LYPLAL1: variants seen among roughly 807,000 people sequenced by gnomAD.
The protein encoded by LYPLAL1 is lysophospholipase-like protein 1.
A neutral mutation model predicts 19.7 loss-of-function variants in LYPLAL1; 23 were observed. The observed-to-expected ratio is 1.17, with a 90% confidence interval of 0.84 to 1.65. LYPLAL1 has a LOEUF of 1.65. Among genes scored for constraint, LYPLAL1 ranks in the 40% most tolerant of loss-of-function variants. The pLI is 0.00. For missense variants in LYPLAL1, 355 were observed against 279.4 expected (o/e 1.27, Z -1.93); for synonymous variants, 119 against 96.3 (o/e 1.24, Z -1.38).
the LYPLAL1 span, among the ~76,000 whole-genome samples, chr1:219,363,718 A>G: frequency 1.3e-5 from 2 of 152,278 alleles, no homozygotes; most frequent in South Asian, 4.1e-4. Context: ...TCTCATTCAC[A>G]TAATTCTAGC....
At chr1:219,206,538 G>T (rs1658582744) in intron 3 of LYPLAL1, among the ~76,000 whole-genome samples, 1 of 151,964 alleles carries the variant, frequency 6.6e-6, no homozygotes, top group African/African-American at 2.4e-5. Flanking sequence ...AGGAGTTGCA[G>T]ATTACCTCAC....
chr1:219,356,035 A>G, the LYPLAL1 span, among the ~76,000 whole-genome samples: 1 of 152,158 alleles, frequency 6.6e-6, no homozygotes, highest in Non-Finnish European at 1.5e-5. Flanking sequence ...GTTTTTGTTT[A>G]TGTGCATTGT....
the LYPLAL1 span, among the ~76,000 whole-genome samples, chr1:219,284,957 G>T: frequency 6.6e-6 from 1 of 152,086 alleles, no homozygotes; most frequent in East Asian, 1.9e-4. Flanking sequence ...TCAACCAAGA[G>T]AAAAAAATGG....
At chr1:219,227,363 T>C in the LYPLAL1 span, among the ~76,000 whole-genome samples, 17 of 152,320 alleles carry the variant, frequency 1.1e-4, no homozygotes, top group African/African-American at 4.1e-4. Flanking sequence ...TGGTGTCTGT[T>C]TCGATATTGT....
chr1:219,442,029 A>G, the LYPLAL1 span, among the ~76,000 whole-genome samples: 2 of 152,220 alleles, frequency 1.3e-5, no homozygotes, highest in Admixed American at 1.3e-4. Context: ...CTGGGCAAGT[A>G]GGAACCTCCC....
At chr1:219,265,184 C>G in the LYPLAL1 span, among the ~76,000 whole-genome samples, 1 of 152,150 alleles carries the variant, frequency 6.6e-6, no homozygotes, top group Non-Finnish European at 1.5e-5. Context: ...ATATAGCACT[C>G]TCTATAATTT....
chr1:219,337,029 T>C, the LYPLAL1 span, among the ~76,000 whole-genome samples: 1 of 151,948 alleles, frequency 6.6e-6, no homozygotes. Flanking sequence ...TTTTAGAGGG[T>C]GCTAGCATTC....
At chr1:219,191,619 A>C (rs1445863685) in intron 2 of LYPLAL1, among the ~76,000 whole-genome samples, 3 of 151,608 alleles carry the variant, frequency 2.0e-5, no homozygotes, top group Admixed American at 6.6e-5. Flanking sequence ...GATCATTTAC[A>C]CAGTTTACCG....
chr1:219,210,507 C>CTTTTTA (rs779566938), intron 3 of LYPLAL1, 25 bp from the exon 4 acceptor site: 1 of 1,274,982 alleles, frequency 7.8e-7, no homozygotes, highest in South Asian at 1.4e-5. Flanking sequence ...ATGTATTCTA[C>CTTTTTA]TTTTAAGTAT....
At chr1:219,312,799 G>A in the LYPLAL1 span, among the ~76,000 whole-genome samples, 1 of 152,182 alleles carries the variant, frequency 6.6e-6, no homozygotes, top group Non-Finnish European at 1.5e-5. Context: ...CGTTAGAGAA[G>A]GTAGCAGTTC....
chr1:219,330,448 G>T, the LYPLAL1 span, among the ~76,000 whole-genome samples: 3 of 152,118 alleles, frequency 2.0e-5, no homozygotes, highest in Non-Finnish European at 4.4e-5. Flanking sequence ...GATGCTAATT[G>T]CTTCTAGAGC....
chr1:219,364,450 C>T, the LYPLAL1 span, among the ~76,000 whole-genome samples: 12 of 152,222 alleles, frequency 7.9e-5, no homozygotes, highest in African/African-American at 2.9e-4. Context: ...CTTTGTATCA[C>T]TCCAGAATAT....
the LYPLAL1 span, among the ~76,000 whole-genome samples, chr1:219,434,280 A>C: frequency 6.6e-6 from 1 of 152,240 alleles, no homozygotes; most frequent in African/African-American, 2.4e-5. Context: ...GAACTAGCAG[A>C]ATTATTAGAG....
At chr1:219,280,714 C>T in the LYPLAL1 span, among the ~76,000 whole-genome samples, 1 of 152,084 alleles carries the variant, frequency 6.6e-6, no homozygotes, top group African/African-American at 2.4e-5. Context: ...TCCATCAGCT[C>T]TTTTTAGGAC....
At chr1:219,236,781 A>G in the LYPLAL1 span, among the ~76,000 whole-genome samples, 1 of 152,192 alleles carries the variant, frequency 6.6e-6, no homozygotes, top group Non-Finnish European at 1.5e-5. Flanking sequence ...TCTGGGGTAC[A>G]TGTGCAGGAT....
the LYPLAL1 span, among the ~76,000 whole-genome samples, chr1:219,343,470 CTTAA>C: frequency 6.6e-6 from 1 of 152,128 alleles, no homozygotes; most frequent in Admixed American, 6.6e-5. Flanking sequence ...CCTTATTGTA[CTTAA>C]TTAACCTGAG....
the LYPLAL1 span, among the ~76,000 whole-genome samples, chr1:219,278,692 A>ACAACAG: frequency 3.3e-5 from 5 of 151,806 alleles, no homozygotes; most frequent in African/African-American, 1.2e-4. Context: ...AACAACAACA[A>ACAACAG]CAACAACAAC....
chr1:219,332,074 A>T, the LYPLAL1 span, among the ~76,000 whole-genome samples: 1 of 152,170 alleles, frequency 6.6e-6, no homozygotes, highest in African/African-American at 2.4e-5. Flanking sequence ...AAAAGACTGA[A>T]GCAGAAGTGA....
At chr1:219,442,960 G>C in the LYPLAL1 span, among the ~76,000 whole-genome samples, 1 of 151,974 alleles carries the variant, frequency 6.6e-6, no homozygotes, top group Non-Finnish European at 1.5e-5. Context: ...TCAAGTATTG[G>C]GAGAACTAAA....
Sources: gnomAD v4.1 joint callset for allele counts (sites outside exome capture counted in the v4.1 genomes callset) on GRCh38, gnomAD v4.1.1 for gene constraint, MANE v1.5 for transcripts, NCBI Gene and HGNC (gene_info 2026-07-23, HGNC 2026-07-21) for gene names.